LRGUK: variants seen among roughly 807,000 people sequenced by gnomAD.
The protein encoded by LRGUK is leucine-rich repeat and guanylate kinase domain-containing protein.
Under a neutral mutation model 76.0 loss-of-function variants are expected in LRGUK, and 65 were observed. The observed-to-expected ratio is 0.85, with a 90% CI of 0.70 to 1.05. The LOEUF (loss-of-function observed/expected upper bound fraction) is 1.05. LRGUK is among the 50% of genes least tolerant of loss of function. The pLI, the probability that LRGUK is intolerant of heterozygous loss-of-function variation, is 0.00. For synonymous variants in LRGUK, 268 were observed against 265.6 expected, an observed-to-expected ratio of 1.01 and a Z score of -0.09; for missense variants, 758 against 732.8, an observed-to-expected ratio of 1.03 and a Z score of -0.40.
chr7:134,166,129 G>A (rs755955470), intron 7 of LRGUK, among the ~76,000 whole-genome samples: 3 of 150,796 alleles, frequency 2.0e-5, no homozygotes, highest in Non-Finnish European at 3.0e-5. Flanking sequence ...TGTGTATCTC[G>A]GTGGAAAATT....
At chr7:134,155,439 C>G (rs771437668) in intron 5 of LRGUK, among the ~76,000 whole-genome samples, 34 of 152,130 alleles carry the variant, frequency 2.2e-4, no homozygotes, top group Non-Finnish European at 2.9e-4. Context: ...TGCATATTGA[C>G]CACAAACAGA....
intron 5 of LRGUK, among the ~76,000 whole-genome samples, chr7:134,155,824 T>C (rs971178776): frequency 2.0e-5 from 3 of 152,222 alleles, no homozygotes; most frequent in Non-Finnish European, 2.9e-5. Flanking sequence ...GTTGGGATAA[T>C]TACAAATAAT....
At chr7:134,263,783 C>T (rs527361701) in intron 19 of LRGUK, 62 bp from the exon 20 acceptor site, 65 of 1,491,128 alleles carry the variant, frequency 4.4e-5, no homozygotes, top group Non-Finnish European at 5.8e-5. Context: ...TCATGCAACA[C>T]TTATTCTCTT....
intron 5 of LRGUK, among the ~76,000 whole-genome samples, chr7:134,152,531 A>G (rs905300201): frequency 1.3e-5 from 2 of 152,070 alleles, no homozygotes; most frequent in Non-Finnish European, 2.9e-5. Flanking sequence ...TTAAGACCAC[A>G]TGAGATATTG....
At chr7:134,230,440 A>G (rs1801863957) in intron 16 of LRGUK, among the ~76,000 whole-genome samples, 1 of 152,220 alleles carries the variant, frequency 6.6e-6, no homozygotes, top group Non-Finnish European at 1.5e-5. Flanking sequence ...ATTATTTACT[A>G]AAGTTGAACA....
intron 16 of LRGUK, among the ~76,000 whole-genome samples, chr7:134,235,400 A>T (rs1801990109): frequency 6.6e-6 from 1 of 151,896 alleles, no homozygotes; most frequent in African/African-American, 2.4e-5. Flanking sequence ...CACATGGCTG[A>T]CTCCCTTTCC....
At chr7:134,244,883 T>C (rs1802254331) in intron 16 of LRGUK, among the ~76,000 whole-genome samples, 1 of 152,172 alleles carries the variant, frequency 6.6e-6, no homozygotes, top group Non-Finnish European at 1.5e-5. Context: ...TAAAAAATGA[T>C]GAGTTCATGT....
At chr7:134,267,652 G>A (rs963975143), downstream of LRGUK, among the ~76,000 whole-genome samples, 3 of 152,134 alleles carry the variant, frequency 2.0e-5, no homozygotes, top group Non-Finnish European at 2.9e-5. Context: ...CATGTAAGAC[G>A]TGCCTTTAGC....
chr7:134,257,017 G>A (rs1802601593), intron 18 of LRGUK, among the ~76,000 whole-genome samples: 1 of 152,154 alleles, frequency 6.6e-6, no homozygotes, highest in South Asian at 2.1e-4. Flanking sequence ...ACTGGTCAGG[G>A]AGAGGGGAGA....
intron 15 of LRGUK, among the ~76,000 whole-genome samples, chr7:134,203,982 C>T (rs1800897729): frequency 6.6e-6 from 1 of 152,192 alleles, no homozygotes; most frequent in Non-Finnish European, 1.5e-5. Flanking sequence ...ACGTTACCCA[C>T]CCTGCCCTGA....
chr7:134,209,363 G>C, exon 16 of LRGUK: 1 of 399,064 alleles, frequency 2.5e-6, no homozygotes, highest in Non-Finnish European at 4.4e-6. Flanking sequence ...CACTGACTTG[G>C]TGCAGAAACT....
At chr7:134,240,146 T>C (rs920326838) in intron 16 of LRGUK, among the ~76,000 whole-genome samples, 1 of 152,186 alleles carries the variant, frequency 6.6e-6, no homozygotes, top group Non-Finnish European at 1.5e-5. Flanking sequence ...GAGCACCTTT[T>C]CTCCTCCAAA....
intron 16 of LRGUK, among the ~76,000 whole-genome samples, chr7:134,226,133 G>T (rs1413975047): frequency 6.6e-6 from 1 of 151,946 alleles, no homozygotes; most frequent in African/African-American, 2.4e-5. Context: ...TGTCTTAAGT[G>T]TACATTGAAT....
intron 1 of LRGUK, among the ~76,000 whole-genome samples, chr7:134,135,453 T>C (rs1157950985): frequency 6.6e-6 from 1 of 152,188 alleles, no homozygotes; most frequent in Non-Finnish European, 1.5e-5. Flanking sequence ...GTGTTTGCTG[T>C]TTTTCAAGTG....
intron 12 of LRGUK, among the ~76,000 whole-genome samples, chr7:134,195,982 G>T (rs751730247): frequency 2.2e-4 from 33 of 152,070 alleles, no homozygotes; most frequent in Admixed American, 5.9e-4. Flanking sequence ...TTCCCTGACA[G>T]ACAGCCCATC....
chr7:134,272,609 G>C, the LRGUK span, among the ~76,000 whole-genome samples: 7 of 152,072 alleles, frequency 4.6e-5, no homozygotes, highest in Non-Finnish European at 7.4e-5. Context: ...ATTAAGTCAG[G>C]TACATCCCAT....
intron 18 of LRGUK, among the ~76,000 whole-genome samples, chr7:134,257,364 C>A (rs1023191462): frequency 2.0e-5 from 3 of 152,156 alleles, no homozygotes; most frequent in Non-Finnish European, 2.9e-5. Context: ...CAGGGCTTTG[C>A]AGGATGAGCT....
chr7:134,162,874 G>A (rs1425643526), intron 6 of LRGUK, among the ~76,000 whole-genome samples: 3 of 150,694 alleles, frequency 2.0e-5, no homozygotes, highest in Non-Finnish European at 4.4e-5. Context: ...CTGCCCAAGG[G>A]CAGGAATAAC....
At chr7:134,246,301 G>A (rs2117203342) in intron 16 of LRGUK, among the ~76,000 whole-genome samples, 1 of 152,312 alleles carries the variant, frequency 6.6e-6, no homozygotes, top group African/African-American at 2.4e-5. Context: ...GCTGTGTGCA[G>A]GGGATACAGC....
Sources: allele counts gnomAD v4.1 joint callset (sites outside exome capture counted in the v4.1 genomes callset), GRCh38; gene constraint gnomAD v4.1.1; transcripts MANE v1.5; gene names NCBI Gene and HGNC (gene_info 2026-07-23, HGNC 2026-07-21).